Variants in COL19A1 observed in about 807,000 individuals in gnomAD.
COL19A1 encodes collagen alpha-1(XIX) chain.
COL19A1 carries 159 observed loss-of-function variants against 190.2 expected under a neutral mutation model. That is an observed-to-expected ratio of 0.84 (90% CI 0.73 to 0.95). The LOEUF (loss-of-function observed/expected upper bound fraction) is 0.95, where lower values mean the gene tolerates loss of function less well. COL19A1 is among the 40% of genes least tolerant of loss of function. The pLI, the probability that COL19A1 is intolerant of heterozygous loss-of-function variation, is 0.00. For synonymous variants in COL19A1, 509 were observed against 458.9 expected, an observed-to-expected ratio of 1.11 and a Z score of -1.39; for missense variants, 1,418 against 1,431.9, an observed-to-expected ratio of 0.99 and a Z score of 0.16.
At chr6:69,894,004 A>G (rs1160958266) in intron 2 of COL19A1, among the ~76,000 whole-genome samples, 1 of 151,952 alleles carries the variant, frequency 6.6e-6, no homozygotes, top group African/African-American at 2.4e-5. Context: ...AACCAAACCA[A>G]TGTATTTCTT....
intron 11 of COL19A1, among the ~76,000 whole-genome samples, chr6:69,982,694 C>A (rs1437422832): frequency 6.8e-6 from 1 of 147,504 alleles, no homozygotes; most frequent in Admixed American, 6.6e-5. Flanking sequence ...CATGCCCGGC[C>A]AGGAGCAGTG....
chr6:69,886,028 TC>T (rs1328313512), intron 2 of COL19A1, among the ~76,000 whole-genome samples: 3 of 151,948 alleles, frequency 2.0e-5, no homozygotes, highest in African/African-American at 7.3e-5. Flanking sequence ...AAGGAAGCAA[TC>T]AACAAAATGA....
intron 17 of COL19A1, among the ~76,000 whole-genome samples, chr6:70,127,737 C>T (rs987655993): frequency 2.0e-5 from 3 of 151,504 alleles, no homozygotes; most frequent in Non-Finnish European, 4.4e-5. Context: ...TTTATAAAAG[C>T]ATCAGATCTC....
chr6:69,997,026 T>TATAGAGAGAGAGAG (rs576813975), intron 11 of COL19A1, among the ~76,000 whole-genome samples: 2 of 146,902 alleles, frequency 1.4e-5, no homozygotes, highest in African/African-American at 5.3e-5. Flanking sequence ...TATATATATA[T>TATAGAGAGAGAGAG]AGAGAGAGAG....
At chr6:70,123,749 A>T (rs1175200745) in intron 17 of COL19A1, among the ~76,000 whole-genome samples, 2 of 146,990 alleles carry the variant, frequency 1.4e-5, no homozygotes, top group African/African-American at 5.0e-5. Flanking sequence ...ATAGGTGGGA[A>T]TTGAACAATG....
chr6:70,045,987 T>C (rs1779890886), intron 14 of COL19A1, among the ~76,000 whole-genome samples: 1 of 152,208 alleles, frequency 6.6e-6, no homozygotes, highest in African/African-American at 2.4e-5. Flanking sequence ...CTACATGTTG[T>C]TCAGTATTTA....
chr6:69,921,157 G>A (rs1487833580), intron 4 of COL19A1, among the ~76,000 whole-genome samples: 7 of 122,880 alleles, frequency 5.7e-5, no homozygotes, highest in South Asian at 5.0e-4. Flanking sequence ...TATGTATCAC[G>A]TATATATTCA....
At chr6:69,981,792 C>T (rs1200131466) in intron 11 of COL19A1, among the ~76,000 whole-genome samples, 9 of 152,150 alleles carry the variant, frequency 5.9e-5, no homozygotes, top group South Asian at 2.1e-4. Flanking sequence ...ACATGCATTG[C>T]ATATGTTCCC....
chr6:69,902,027 A>G (rs1770224000), intron 4 of COL19A1, among the ~76,000 whole-genome samples: 1 of 152,216 alleles, frequency 6.6e-6, no homozygotes, highest in African/African-American at 2.4e-5. Flanking sequence ...TGCCCAATCC[A>G]TGGGTAATCA....
Position 70,212,031 on chromosome 6 carries a change from T to C in COL19A1, c.*4757T>C, listed in dbSNP as rs2127541042. On this transcript the variant is annotated 3_prime_UTR_variant, in exon 51 of 51. Coordinates refer to ENST00000620364, the MANE Select transcript of COL19A1 (RefSeq NM_001858.6). ...TAATAAAGTGGGAGGCTTCACTAAA[T>C]GAGGGGGTAAATAAGATTTAAGTTT... is the stretch of plus-strand genomic sequence containing the variant. Among the ~76,000 whole-genome samples, 1 of 152,298 alleles carries C rather than the reference T, an allele frequency of 6.6e-6. No homozygotes were observed. Among genetic ancestry groups the C allele is most frequent in the South Asian group, 2.1e-4 (1 of 4,828 alleles).
chr6:70,069,293 C>A (rs952295756), intron 15 of COL19A1, among the ~76,000 whole-genome samples: 1 of 152,142 alleles, frequency 6.6e-6, no homozygotes, highest in East Asian at 1.9e-4. Context: ...TTATTATTAA[C>A]CCCAAATATG....
intron 16 of COL19A1, among the ~76,000 whole-genome samples, chr6:70,115,825 G>GTTTT (rs57814985): frequency 0.09 from 10,486 of 116,550 alleles, 721 homozygotes; most frequent in South Asian, 0.16. Flanking sequence ...TTGGTGTTTT[G>GTTTT]TTTTTTTTTT....
chr6:69,929,353 T>G, intron 5 of COL19A1, 72 bp from the exon 6 acceptor site: 2 of 1,462,080 alleles, frequency 1.4e-6, no homozygotes, highest in Non-Finnish European at 1.9e-6. Context: ...CATCTTGAGC[T>G]TTTCTTTGTG....
intron 12 of COL19A1, among the ~76,000 whole-genome samples, chr6:70,027,279 TATA>T (rs1778778589): frequency 6.6e-6 from 1 of 152,188 alleles, no homozygotes; most frequent in Non-Finnish European, 1.5e-5. Context: ...CAATGTATCT[TATA>T]ATAACTTATT....
intron 11 of COL19A1, among the ~76,000 whole-genome samples, chr6:69,995,522 A>ATT (rs111245935): frequency 0.021 from 3,082 of 145,964 alleles, 97 homozygotes; most frequent in African/African-American, 0.071. Context: ...AAACCGTGTG[A>ATT]TTTTTTTTTT....
intron 15 of COL19A1, among the ~76,000 whole-genome samples, chr6:70,101,808 A>G (rs1783647037): frequency 6.6e-6 from 1 of 152,212 alleles, no homozygotes; most frequent in Non-Finnish European, 1.5e-5. Flanking sequence ...CAACACCAAC[A>G]TAAGATGACA....
At chr6:70,072,318 A>T (rs896153809) in intron 15 of COL19A1, among the ~76,000 whole-genome samples, 1 of 152,148 alleles carries the variant, frequency 6.6e-6, no homozygotes, top group African/African-American at 2.4e-5. Context: ...TGCACATCTG[A>T]ATAATCTCAA....
intron 14 of COL19A1, among the ~76,000 whole-genome samples, chr6:70,039,248 G>T (rs1381093503): frequency 2.0e-5 from 3 of 152,106 alleles, no homozygotes; most frequent in Non-Finnish European, 4.4e-5. Context: ...GAGAACTAAG[G>T]CTCTGAAAGC....
At chr6:69,986,264 T>C (rs907054268) in intron 11 of COL19A1, among the ~76,000 whole-genome samples, 85 of 147,264 alleles carry the variant, frequency 5.8e-4, no homozygotes, top group Admixed American at 3.7e-3. Context: ...CACACACACA[T>C]ATATATATAT....
Sources: gnomAD v4.1 joint callset for allele counts (sites outside exome capture counted in the v4.1 genomes callset) on GRCh38, gnomAD v4.1.1 for gene constraint, MANE v1.5 for transcripts, NCBI Gene and HGNC (gene_info 2026-07-23, HGNC 2026-07-21) for gene names.